Variants in DKK4 observed in about 807,000 individuals in gnomAD.
The protein encoded by DKK4 is dickkopf Wnt signaling pathway inhibitor 4.
In DKK4, 15 loss-of-function variants were observed where a neutral mutation model predicts 14.5. The ratio of observed to expected loss-of-function variants is 1.03; its 90% CI spans 0.69 to 1.59. The LOEUF (loss-of-function observed/expected upper bound fraction) is 1.59, where lower values mean the gene tolerates loss of function less well. Among genes scored for constraint, DKK4 ranks in the 40% most tolerant of loss-of-function variants. The pLI is 0.00. For synonymous variants in DKK4, 89 were observed against 105.2 expected (o/e 0.85, Z 0.94); for missense variants, 272 against 280.3 (o/e 0.97, Z 0.21).
chr8:42,380,647 AGAGAAAGG>A (rs1824658199), upstream of DKK4, among the ~76,000 whole-genome samples: 1 of 115,506 alleles, frequency 8.7e-6, no homozygotes, highest in African/African-American at 6.0e-5. Context: ...AAAGAAAGTG[AGAGAAAGG>A]AAGGAAGAAA....
chr8:42,374,433 G>T, intron 3 of DKK4, 74 bp from the exon 4 acceptor site: 1 of 1,581,124 alleles, frequency 6.3e-7, no homozygotes, highest in South Asian at 1.1e-5. Context: ...ACTGGGATAA[G>T]GGAATGGGAC....
upstream of DKK4, among the ~76,000 whole-genome samples, chr8:42,378,943 C>CAAA (rs1166439885): frequency 1.6e-3 from 78 of 49,234 alleles, no homozygotes; most frequent in South Asian, 7.9e-3. Flanking sequence ...CCTGTCTCCA[C>CAAA]AAAAAAAAAA....
chr8:42,381,375 GGA>G (rs1824676405), upstream of DKK4, among the ~76,000 whole-genome samples: 1 of 152,188 alleles, frequency 6.6e-6, no homozygotes, highest in Non-Finnish European at 1.5e-5. Context: ...TATCTACTGT[GGA>G]GATATAAGAG....
chr8:42,387,145 C>A, the DKK4 span, among the ~76,000 whole-genome samples: 6 of 152,224 alleles, frequency 3.9e-5, no homozygotes, highest in East Asian at 1.2e-3. Context: ...CAAAGGAAGG[C>A]ATTGAGAGTC....
chr8:42,383,926 G>C, the DKK4 span, among the ~76,000 whole-genome samples: 12 of 152,292 alleles, frequency 7.9e-5, no homozygotes, highest in East Asian at 2.3e-3. Context: ...CTGGGGAACA[G>C]AGCAAGACTC....
chr8:42,374,976 A>C, intron 2 of DKK4, 63 bp from the exon 3 acceptor site: 8 of 1,555,776 alleles, frequency 5.1e-6, no homozygotes, highest in Non-Finnish European at 7.1e-6. Context: ...CAGACACACT[A>C]ATTATCCTAC....
At chr8:42,388,466 G>A in the DKK4 span, among the ~76,000 whole-genome samples, 1 of 151,894 alleles carries the variant, frequency 6.6e-6, no homozygotes, top group African/African-American at 2.4e-5. Context: ...CTTATCTCGG[G>A]TGATCCACCC....
intron 2 of DKK4, 135 bp downstream of exon 2, chr8:42,375,545 G>A: frequency 3.7e-6 from 4 of 1,092,248 alleles, no homozygotes; most frequent in Non-Finnish European, 5.0e-6. Flanking sequence ...GAAAAGAAAA[G>A]GCAGCTGCAT....
At chr8:42,389,670 A>C in the DKK4 span, among the ~76,000 whole-genome samples, 1 of 152,222 alleles carries the variant, frequency 6.6e-6, no homozygotes, top group Non-Finnish European at 1.5e-5. Flanking sequence ...TTTCAAAAAA[A>C]ATTTTAAACT....
rs139075899 is a variant in DKK4, at chr8:42,374,792, C to T, written c.384G>A (p.Lys128=). ...TGCCTTGTGATTTCTTAATACTTGG[C>T]TTCCTTTTGGGTTGGTTTTCCTGGA... ...HPVQENQPKR[K]PSIKKSQGRK... The change falls in exon 3 of 4, where the codon AAG becomes AAA. Residue 128 remains lysine (K), a synonymous_variant. Transcript: ENST00000220812. 13 of 1,614,094 alleles carry T rather than the reference C, an allele frequency of 8.1e-6. No homozygotes were observed. The highest frequency in any genetic ancestry group is 1.1e-5 in the Non-Finnish European group (13 of 1,180,056).
chr8:42,375,394 T>A (rs898550852), intron 2 of DKK4, among the ~76,000 whole-genome samples: 1 of 151,676 alleles, frequency 6.6e-6, no homozygotes, highest in African/African-American at 2.4e-5. Flanking sequence ...TAACAAAAAT[T>A]AGCCGGGCAT....
chr8:42,377,148 C>T lies in DKK4; in HGVS notation c.-103G>A, dbSNP rs1012294850. 1.7e-5 allele frequency: 15 copies of T among 885,912 alleles called. No individual in the cohort carries two copies. The highest frequency in any genetic ancestry group is 6.2e-5 in the South Asian group (4 of 64,064). The allele number at this position is 885,912 out of a possible 1,614,324, so 54.9% of individuals were successfully genotyped here. On this transcript the variant is annotated 5_prime_UTR_variant, in exon 1 of 4. The change creates a new upstream start codon in the 5' untranslated region. Coordinates refer to ENST00000220812, the MANE Select transcript of DKK4 (RefSeq NM_014420.3). ...CTTCCACTAAGCTGGCAGCTCAGCA[C>T]GTCGTCTGTTTGTCACTGCTTTTTC...
At chr8:42,389,843 T>G in the DKK4 span, among the ~76,000 whole-genome samples, 2 of 152,130 alleles carry the variant, frequency 1.3e-5, no homozygotes, top group African/African-American at 4.8e-5. Context: ...TCAGCATGCA[T>G]CTCCTAAAAT....
chr8:42,390,358 C>CTTTTTT, the DKK4 span, among the ~76,000 whole-genome samples: 11 of 99,472 alleles, frequency 1.1e-4, no homozygotes, highest in South Asian at 3.6e-4. Flanking sequence ...CTTTTGCTTC[C>CTTTTTT]TTTTTTTTTT....
upstream of DKK4, among the ~76,000 whole-genome samples, chr8:42,381,726 G>A (rs149467948): frequency 6.6e-6 from 1 of 152,136 alleles, no homozygotes; most frequent in African/African-American, 2.4e-5. Context: ...AGCCAGGCGC[G>A]GTGGCTCACG....
At chr8:42,388,647 T>C in the DKK4 span, among the ~76,000 whole-genome samples, 1 of 152,022 alleles carries the variant, frequency 6.6e-6, no homozygotes, top group Non-Finnish European at 1.5e-5. Flanking sequence ...CTTGGCTCAG[T>C]GCGAACTCCG....
chr8:42,380,681 AAAAG>A (rs1824659766), upstream of DKK4, among the ~76,000 whole-genome samples: 1 of 149,694 alleles, frequency 6.7e-6, no homozygotes, highest in African/African-American at 2.5e-5. Context: ...AAAGAGAAAG[AAAAG>A]AAAAGAAAAG....
the DKK4 span, among the ~76,000 whole-genome samples, chr8:42,388,418 C>CG: frequency 6.6e-6 from 1 of 151,760 alleles, no homozygotes; most frequent in African/African-American, 2.4e-5. Context: ...TTAGTAGAGA[C>CG]GGGGTTTCAC....
upstream of DKK4, among the ~76,000 whole-genome samples, chr8:42,379,227 G>A (rs376976465): frequency 1.1e-4 from 16 of 147,350 alleles, no homozygotes; most frequent in East Asian, 9.9e-4. Flanking sequence ...CTCCAGCCTC[G>A]GCAACAGAGT....
Sources: allele counts gnomAD v4.1 joint callset (sites outside exome capture counted in the v4.1 genomes callset), GRCh38; gene constraint gnomAD v4.1.1; transcripts MANE v1.5; gene names NCBI Gene and HGNC (gene_info 2026-07-23, HGNC 2026-07-21).